The following DPYD variants were observed in gnomAD, a reference collection of about 807,000 sequenced individuals.
DPYD encodes dihydropyrimidine dehydrogenase [NADP(+)].
DPYD carries 109 observed loss-of-function variants against 116.2 expected under a neutral mutation model. That is an observed-to-expected ratio of 0.94 (90% CI 0.80 to 1.10). The LOEUF (loss-of-function observed/expected upper bound fraction) is 1.10, where lower values mean the gene tolerates loss of function less well. Ranked by LOEUF, DPYD falls within the 50% of genes least tolerant of loss-of-function variation. DPYD has a pLI of 0.00. For missense variants in DPYD, 1,302 were observed against 1,254.5 expected (o/e 1.04, Z -0.57); for synonymous variants, 440 against 432.0 (o/e 1.02, Z -0.23).
intron 20 of DPYD, among the ~76,000 whole-genome samples, chr1:97,112,204 T>TTACGA (rs1264278718): frequency 2.6e-5 from 4 of 152,146 alleles, no homozygotes; most frequent in African/African-American, 9.6e-5. Context: ...GTGCTTAATA[T>TTACGA]TACGATATAG....
intron 3 of DPYD, among the ~76,000 whole-genome samples, chr1:97,807,305 C>T (rs1304670650): frequency 6.6e-6 from 1 of 152,064 alleles, no homozygotes; most frequent in African/African-American, 2.4e-5. Flanking sequence ...CCTTTTGCTC[C>T]ACATTCTCAT....
At chr1:97,894,591 AAAC>A (rs1672958308) in intron 1 of DPYD, among the ~76,000 whole-genome samples, 1 of 151,750 alleles carries the variant, frequency 6.6e-6, no homozygotes, top group African/African-American at 2.4e-5. Flanking sequence ...AAAGAAAAGA[AAAC>A]AATATTACCA....
intron 16 of DPYD, among the ~76,000 whole-genome samples, chr1:97,316,218 A>G (rs1344999725): frequency 1.3e-5 from 2 of 151,856 alleles, no homozygotes; most frequent in African/African-American, 4.8e-5. Flanking sequence ...GGCTGGGCAC[A>G]TTGGCTCATG....
rs1667737707 is a variant in DPYD at position 97,315,070 on chromosome 1, C to A, written c.2059-8773G>T. On this transcript the variant is annotated intron_variant, in intron 16 of 22. Transcript: ENST00000370192. Reference sequence around the variant, plus strand: ...AATGTTGAGGAGTCGCATAACTTTTCACGAGAACTGATGAGTAGATATGCT... The same window carrying A: ...AATGTTGAGGAGTCGCATAACTTTTAACGAGAACTGATGAGTAGATATGCT... 3.9e-5 allele frequency among the ~76,000 whole-genome samples: 6 copies of A among 152,088 alleles called. No homozygotes were observed. In the South Asian group the frequency reaches 1.2e-3, roughly 32 times the overall value.
chr1:97,186,609 G>A (rs964918094), intron 20 of DPYD, among the ~76,000 whole-genome samples: 26 of 152,196 alleles, frequency 1.7e-4, no homozygotes, highest in African/African-American at 6.0e-4. Flanking sequence ...AGAACTCTGG[G>A]AGGCTGAGGT....
At chr1:97,323,760 TCC>T (rs1668559055) in intron 16 of DPYD, among the ~76,000 whole-genome samples, 1 of 148,848 alleles carries the variant, frequency 6.7e-6, no homozygotes, top group Admixed American at 6.8e-5. Flanking sequence ...TAAAAACAAA[TCC>T]ACAGAGAACA....
intron 10 of DPYD, among the ~76,000 whole-genome samples, chr1:97,592,461 G>T (rs1407867442): frequency 2.0e-5 from 3 of 152,132 alleles, no homozygotes; most frequent in East Asian, 3.9e-4. Flanking sequence ...CCGCCTCCCG[G>T]GTTCACGCCA....
At chr1:97,271,183 C>G (rs1162324902) in intron 18 of DPYD, among the ~76,000 whole-genome samples, 5 of 152,022 alleles carry the variant, frequency 3.3e-5, no homozygotes, top group Admixed American at 6.5e-5. Context: ...AGAACAGTTC[C>G]CTCTGACTGG....
chr1:97,657,694 C>A (rs1659017342), intron 8 of DPYD, among the ~76,000 whole-genome samples: 1 of 152,078 alleles, frequency 6.6e-6, no homozygotes, highest in African/African-American at 2.4e-5. Context: ...CCACGGGCGT[C>A]TAGAAATAAC....
chr1:97,226,813 A>G (rs1008551537), intron 19 of DPYD, among the ~76,000 whole-genome samples: 2 of 152,180 alleles, frequency 1.3e-5, no homozygotes, highest in African/African-American at 4.8e-5. Flanking sequence ...AGCAATCTAA[A>G]TATTCAATAG....
intron 22 of DPYD, among the ~76,000 whole-genome samples, chr1:97,081,952 T>C (rs1229005866): frequency 6.6e-6 from 1 of 152,112 alleles, no homozygotes; most frequent in South Asian, 2.1e-4. Flanking sequence ...GAAGGAATCA[T>C]AGCCTTTCAG....
chr1:97,727,800 T>C (rs1663357015), intron 4 of DPYD, among the ~76,000 whole-genome samples: 1 of 151,882 alleles, frequency 6.6e-6, no homozygotes, highest in South Asian at 2.1e-4. Flanking sequence ...TTCCCACAGA[T>C]AATGTCAAGA....
At chr1:97,533,496 A>T (rs1441626552) in intron 12 of DPYD, among the ~76,000 whole-genome samples, 1 of 152,172 alleles carries the variant, frequency 6.6e-6, no homozygotes, top group Non-Finnish European at 1.5e-5. Context: ...AGGTGGTGAT[A>T]CTGCTGACAA....
At chr1:97,889,932 T>A (rs1014119934) in intron 1 of DPYD, among the ~76,000 whole-genome samples, 1 of 151,936 alleles carries the variant, frequency 6.6e-6, no homozygotes, top group Non-Finnish European at 1.5e-5. Context: ...GAATTAGATA[T>A]CAATAACAGA....
intron 16 of DPYD, among the ~76,000 whole-genome samples, chr1:97,344,483 C>A (rs1669740403): frequency 6.6e-6 from 1 of 151,756 alleles, no homozygotes; most frequent in Non-Finnish European, 1.5e-5. Flanking sequence ...CTATTCTTTT[C>A]ATTCTTTAAA....
rs199816563 is a variant in DPYD, at chr1:97,206,902, T to A, written c.2443-13654A>T. Among the ~76,000 whole-genome samples the A allele has an allele frequency of 9.2e-5, 14 of 151,538 alleles. No individual in the cohort carries two copies. In the East Asian group the frequency reaches 2.7e-3, roughly 30 times the overall value. ...ATATATACACATATATACCTATGTA[T>A]ATGTAGTATAGATTTCTTGTAAGTA... is the stretch of plus-strand genomic sequence containing the variant. On this transcript the variant is annotated intron_variant, in intron 19 of 22. Coordinates refer to ENST00000370192, the MANE Select transcript of DPYD (RefSeq NM_000110.4).
At chr1:97,867,355 T>C (rs1233792326) in intron 2 of DPYD, among the ~76,000 whole-genome samples, 3 of 151,830 alleles carry the variant, frequency 2.0e-5, no homozygotes, top group African/African-American at 2.4e-5. Context: ...GGAAGAACCA[T>C]ATGAATAATT....
intron 3 of DPYD, among the ~76,000 whole-genome samples, chr1:97,772,126 C>T (rs1666176096): frequency 2.6e-5 from 4 of 152,080 alleles, no homozygotes; most frequent in Non-Finnish European, 1.5e-5. Flanking sequence ...TCTCTTTAAA[C>T]TACTCTCTGA....
chr1:97,513,799 T>A (rs1348716293), intron 13 of DPYD, among the ~76,000 whole-genome samples: 1 of 151,808 alleles, frequency 6.6e-6, no homozygotes, highest in African/African-American at 2.4e-5. Flanking sequence ...TAATTATATA[T>A]TCACAAATTT....
Sources: allele counts gnomAD v4.1 joint callset (sites outside exome capture counted in the v4.1 genomes callset), GRCh38; gene constraint gnomAD v4.1.1; transcripts MANE v1.5; gene names NCBI Gene and HGNC (gene_info 2026-07-23, HGNC 2026-07-21).